NIPBL: variants seen among roughly 807,000 people sequenced by gnomAD.
The protein encoded by NIPBL is nipped-B-like protein.
NIPBL carries 19 observed loss-of-function variants against 321.8 expected under a neutral mutation model. The ratio of observed to expected loss-of-function variants is 0.06; its 90% CI spans 0.04 to 0.09. The LOEUF (loss-of-function observed/expected upper bound fraction) is 0.09, where lower values mean the gene tolerates loss of function less well. Ranked by LOEUF, NIPBL falls within the 10% of genes least tolerant of loss-of-function variation. The pLI is 1.00. For synonymous variants in NIPBL, 1,106 were observed against 1,114.1 expected, an observed-to-expected ratio of 0.99 and a Z score of 0.14; for missense variants, 2,210 against 3,327.0, an observed-to-expected ratio of 0.66 and a Z score of 8.26.
intron 34 of NIPBL, among the ~76,000 whole-genome samples, chr5:37,043,645 C>T (rs554942551): frequency 6.6e-6 from 1 of 152,262 alleles, no homozygotes; most frequent in East Asian, 1.9e-4. Context: ...TTGCATTGAG[C>T]TGTGATTGTG....
intron 1 of NIPBL, among the ~76,000 whole-genome samples, chr5:36,928,823 A>G (rs1448981008): frequency 1.3e-5 from 2 of 152,210 alleles, no homozygotes; most frequent in Non-Finnish European, 2.9e-5. Flanking sequence ...AGGTTCATTT[A>G]TGACATAACG....
intron 1 of NIPBL, among the ~76,000 whole-genome samples, chr5:36,888,810 G>A (rs574211888): frequency 4.0e-4 from 61 of 152,156 alleles, no homozygotes; most frequent in Admixed American, 2.8e-3. Context: ...AATCCTGAGC[G>A]CATCTTTTGT....
intron 1 of NIPBL, among the ~76,000 whole-genome samples, chr5:36,902,936 A>AT (rs568898651): frequency 3.8e-4 from 58 of 151,016 alleles, no homozygotes; most frequent in Admixed American, 8.6e-4. Flanking sequence ...GTAAACTCTG[A>AT]TTTTTTTTTA....
At chr5:37,010,373 T>C in intron 21 of NIPBL, 148 bp downstream of exon 21, 2 of 615,434 alleles carry the variant, frequency 3.2e-6, no homozygotes, top group East Asian at 3.5e-5. Context: ...TGGAGTGCAG[T>C]GGCGCGATCT....
chr5:36,998,284 T>G (rs180746192), intron 11 of NIPBL, among the ~76,000 whole-genome samples: 229 of 152,226 alleles, frequency 1.5e-3, no homozygotes, highest in Non-Finnish European at 2.7e-3. Context: ...GGAAGTTGTT[T>G]TTTTTTTAAT....
At chr5:36,946,447 A>C (rs966650571) in intron 1 of NIPBL, among the ~76,000 whole-genome samples, 3 of 151,958 alleles carry the variant, frequency 2.0e-5, no homozygotes, top group Admixed American at 6.6e-5. Flanking sequence ...TGTATTTGCC[A>C]TTCCTGTATT....
At position 37,036,498 on chromosome 5, in the gene NIPBL, T is replaced by TTA. The variant is rs750164265; in HGVS notation, c.5971+21_5971+22dup. The TTA allele has an allele frequency of 1.0e-5, 11 of 1,094,364 alleles. No homozygotes were observed. Among genetic ancestry groups the TTA allele is most frequent in the South Asian group, 1.6e-5 (1 of 61,468 alleles). The allele number at this position is 1,094,364 out of a possible 1,614,324, so 67.8% of individuals were successfully genotyped here. On this transcript the variant is annotated intron_variant, in intron 33 of 46. Coordinates refer to ENST00000282516, the MANE Select transcript of NIPBL (RefSeq NM_133433.4). Reference sequence around the variant, plus strand: ...AGGAATCTCTAGCTGGTAAGACATTTTATATATATATTGATCTTTAGTTGA... The same window carrying TTA: ...AGGAATCTCTAGCTGGTAAGACATTTTATATATATATATTGATCTTTAGTTGA...
chr5:36,898,745 A>G (rs182715736), intron 1 of NIPBL, among the ~76,000 whole-genome samples: 5 of 152,172 alleles, frequency 3.3e-5, no homozygotes, highest in African/African-American at 7.2e-5. Flanking sequence ...TCCCGACCTC[A>G]GGCGATCCAC....
At chr5:36,932,541 A>C (rs565882021) in intron 1 of NIPBL, among the ~76,000 whole-genome samples, 2 of 151,788 alleles carry the variant, frequency 1.3e-5, no homozygotes, top group Admixed American at 6.6e-5. Flanking sequence ...TATATTTTCT[A>C]TTATTTTACT....
intron 7 of NIPBL, among the ~76,000 whole-genome samples, chr5:36,971,314 A>G (rs1012922970): frequency 6.6e-6 from 1 of 151,938 alleles, no homozygotes; most frequent in Admixed American, 6.6e-5. Context: ...CACAGAGCCT[A>G]AAATATTTAT....
intron 1 of NIPBL, among the ~76,000 whole-genome samples, chr5:36,950,708 C>T (rs1415689908): frequency 6.6e-6 from 1 of 152,092 alleles, no homozygotes; most frequent in Non-Finnish European, 1.5e-5. Flanking sequence ...TCATTCTAGA[C>T]ACATGTCAGC....
intron 15 of NIPBL, among the ~76,000 whole-genome samples, chr5:37,002,998 AT>A (rs926306524): frequency 6.6e-6 from 1 of 151,386 alleles, no homozygotes; most frequent in Non-Finnish European, 1.5e-5. Flanking sequence ...ATGGACTTTA[AT>A]TTTTTCCAGA....
At chr5:37,022,194 A>G in intron 28 of NIPBL, 45 bp downstream of exon 28, 1 of 1,613,166 alleles carries the variant, frequency 6.2e-7, no homozygotes, top group Non-Finnish European at 8.5e-7. Context: ...GAATTGGAAT[A>G]TTCACTCTAT....
At chr5:36,976,460 C>G (rs1743467158) in intron 9 of NIPBL, 58 bp downstream of exon 9, 1 of 1,573,700 alleles carries the variant, frequency 6.4e-7, no homozygotes, top group Non-Finnish European at 8.6e-7. Flanking sequence ...ATTATAGTGT[C>G]AAAAATTTTT....
In NIPBL at chr5:37,045,739, A is replaced by G. The variant is rs301859; in HGVS notation, c.6498+142A>G. 422,845 of 865,088 alleles carry G rather than the reference A, an allele frequency of 0.49. 108,936 individuals are homozygous for G. The highest frequency in any genetic ancestry group is 0.82 in the African/African-American group (48,894 of 59,612). The allele number at this position is 865,088 out of a possible 1,614,324, so 53.6% of individuals were successfully genotyped here. On this transcript the variant is annotated intron_variant, in intron 37 of 46. Transcript: ENST00000282516. Reference sequence around the variant, plus strand: ...AATTCTGAAAACAGTGCTGCTCAAAACGTGGTCCTCAGACTGGCTGCTAAT... The same window carrying G: ...AATTCTGAAAACAGTGCTGCTCAAAGCGTGGTCCTCAGACTGGCTGCTAAT...
chr5:37,021,596 G>A (rs936116625), intron 27 of NIPBL, among the ~76,000 whole-genome samples: 12 of 152,008 alleles, frequency 7.9e-5, no homozygotes, highest in Non-Finnish European at 5.9e-5. Flanking sequence ...CAGGAGAATC[G>A]CTTGAACCCG....
chr5:36,953,577 G>T, intron 1 of NIPBL, 41 bp from the exon 2 acceptor site: 1 of 848,920 alleles, frequency 1.2e-6, no homozygotes, highest in South Asian at 1.4e-5. Flanking sequence ...TAATATATCT[G>T]ACATATCTCT....
chr5:36,902,420 G>A (rs1747304423), intron 1 of NIPBL, among the ~76,000 whole-genome samples: 1 of 152,074 alleles, frequency 6.6e-6, no homozygotes, highest in Non-Finnish European at 1.5e-5. Context: ...AATCCATCTT[G>A]GGTTGATTTT....
At chr5:37,013,902 C>T (rs932557194) in intron 21 of NIPBL, among the ~76,000 whole-genome samples, 5 of 152,256 alleles carry the variant, frequency 3.3e-5, no homozygotes, top group Non-Finnish European at 5.9e-5. Flanking sequence ...CGCCACTGCA[C>T]TCCAGCCTGG....
Sources: allele counts gnomAD v4.1 joint callset (sites outside exome capture counted in the v4.1 genomes callset), GRCh38; gene constraint gnomAD v4.1.1; transcripts MANE v1.5; gene names NCBI Gene and HGNC (gene_info 2026-07-23, HGNC 2026-07-21).